NRXN1: variants seen among roughly 807,000 people sequenced by gnomAD.
NRXN1 encodes the protein neurexin-1.
A neutral mutation model predicts 150.9 loss-of-function variants in NRXN1; 39 were observed. That is an observed-to-expected ratio of 0.26 (90% CI 0.20 to 0.34). NRXN1 has a LOEUF of 0.34. NRXN1 is among the 10% of genes least tolerant of loss of function. The probability of loss-of-function intolerance (pLI) is 1.00; values close to 1 mark genes in which losing one functional copy is unlikely to be tolerated. For missense variants in NRXN1, 1,815 were observed against 1,949.9 expected, an observed-to-expected ratio of 0.93 and a Z score of 1.30; for synonymous variants, 924 against 757.0, an observed-to-expected ratio of 1.22 and a Z score of -3.62.
At chr2:50,832,968 A>G (rs1298084725) in intron 5 of NRXN1, among the ~76,000 whole-genome samples, 1 of 152,260 alleles carries the variant, frequency 6.6e-6, no homozygotes, top group Non-Finnish European at 1.5e-5. Context: ...TCAAATGTCA[A>G]CATTCAGAAA....
chr2:50,681,126 A>G (rs1690327071), intron 5 of NRXN1, among the ~76,000 whole-genome samples: 1 of 152,220 alleles, frequency 6.6e-6, no homozygotes, highest in Non-Finnish European at 1.5e-5. Flanking sequence ...TAGATACCCT[A>G]TTCACTTAAG....
chr2:50,179,727 C>T (rs946647462), intron 18 of NRXN1, among the ~76,000 whole-genome samples: 10 of 152,010 alleles, frequency 6.6e-5, no homozygotes, highest in Admixed American at 5.9e-4. Context: ...TTTTATACTA[C>T]ATAGTGTAAC....
intron 8 of NRXN1, among the ~76,000 whole-genome samples, chr2:50,610,853 C>T (rs1222092752): frequency 6.8e-6 from 1 of 147,740 alleles, no homozygotes; most frequent in Non-Finnish European, 1.5e-5. Flanking sequence ...AGTGTAATTG[C>T]ACGATTTCGG....
At chr2:50,583,302 A>G (rs1016333348) in intron 8 of NRXN1, among the ~76,000 whole-genome samples, 6 of 152,038 alleles carry the variant, frequency 3.9e-5, no homozygotes, top group Admixed American at 1.3e-4. Flanking sequence ...TCAGCCTCCC[A>G]AACTGCTGGA....
intron 18 of NRXN1, among the ~76,000 whole-genome samples, chr2:50,234,114 C>T (rs1017571425): frequency 1.3e-5 from 2 of 151,898 alleles, no homozygotes; most frequent in South Asian, 2.1e-4. Flanking sequence ...TTCCATGCAC[C>T]CAACATTTTG....
At chr2:50,336,567 A>AT (rs768126519) in intron 17 of NRXN1, among the ~76,000 whole-genome samples, 5 of 152,268 alleles carry the variant, frequency 3.3e-5, no homozygotes, top group Non-Finnish European at 5.9e-5. Flanking sequence ...TCAGGAGAGT[A>AT]TAATCATATA....
rs539068083 is a variant in NRXN1, at chr2:50,384,055, A to C, written c.3364+81387T>G. Among the ~76,000 whole-genome samples, 18 of 152,342 alleles carry C rather than the reference A, an allele frequency of 1.2e-4. No homozygotes were observed. The East Asian group carries it at 3.3e-3, about 28-fold the overall frequency. On this transcript the variant is annotated intron_variant, in intron 17 of 22. Transcript: ENST00000401669. ...CTTCTCTCCATCCAACTTTTACTAC[A>C]CATGAAGTGGTAGGTCAGCATTAAA...
At chr2:50,166,721 G>C (rs1335743392) in intron 18 of NRXN1, among the ~76,000 whole-genome samples, 1 of 152,110 alleles carries the variant, frequency 6.6e-6, no homozygotes, top group Non-Finnish European at 1.5e-5. Flanking sequence ...TTGATTGAAT[G>C]TTCATGAAGC....
chr2:50,125,325 G>A (rs925213446), intron 18 of NRXN1, among the ~76,000 whole-genome samples: 4 of 147,790 alleles, frequency 2.7e-5, no homozygotes, highest in East Asian at 1.9e-4. Flanking sequence ...AATCTTTGTC[G>A]TTGTTGCTGT....
intron 21 of NRXN1, among the ~76,000 whole-genome samples, chr2:49,997,449 C>T (rs894571841): frequency 2.0e-5 from 3 of 152,096 alleles, no homozygotes; most frequent in African/African-American, 4.8e-5. Context: ...AGGCAATCTA[C>T]TGGAGATGAA....
intron 17 of NRXN1, among the ~76,000 whole-genome samples, chr2:50,264,936 T>C (rs1399007836): frequency 1.3e-5 from 2 of 152,132 alleles, no homozygotes; most frequent in East Asian, 3.9e-4. Flanking sequence ...TCAGGGGTCC[T>C]AGATTTTTTC....
chr2:50,184,264 C>T (rs535132686), intron 18 of NRXN1, among the ~76,000 whole-genome samples: 1 of 152,058 alleles, frequency 6.6e-6, no homozygotes, highest in East Asian at 1.9e-4. Context: ...TCACACATTC[C>T]TTAAATAATT....
At chr2:50,365,707 T>C (rs763123221) in intron 17 of NRXN1, among the ~76,000 whole-genome samples, 21 of 152,062 alleles carry the variant, frequency 1.4e-4, no homozygotes, top group Non-Finnish European at 1.2e-4. Flanking sequence ...GCTACTATTT[T>C]AATTGCCTTT....
chr2:50,483,808 T>C (rs1011612141), intron 15 of NRXN1, among the ~76,000 whole-genome samples: 1 of 152,166 alleles, frequency 6.6e-6, no homozygotes, highest in African/African-American at 2.4e-5. Flanking sequence ...GAAATGACTG[T>C]TCTGGAAATT....
chr2:50,223,505 G>A (rs1490430019), intron 18 of NRXN1, among the ~76,000 whole-genome samples: 2 of 151,896 alleles, frequency 1.3e-5, no homozygotes, highest in African/African-American at 4.8e-5. Context: ...AAGATCAAAT[G>A]AACACAGTTC....
At chr2:50,022,551 T>C (rs915663415) in intron 21 of NRXN1, 1 of 152,238 alleles carries the variant, frequency 6.6e-6, no homozygotes, top group Non-Finnish European at 1.5e-5. Context: ...CAATTCAAAG[T>C]TCTTGTGAAA....
intron 18 of NRXN1, among the ~76,000 whole-genome samples, chr2:50,192,659 T>C (rs961098210): frequency 1.3e-5 from 2 of 151,910 alleles, no homozygotes; most frequent in Non-Finnish European, 2.9e-5. Flanking sequence ...CAGGCTAGAG[T>C]GTAGTGGTGC....
intron 21 of NRXN1, among the ~76,000 whole-genome samples, chr2:50,020,751 AAAG>A (rs1286462679): frequency 6.6e-6 from 1 of 152,228 alleles, no homozygotes; most frequent in African/African-American, 2.4e-5. Context: ...ACATAAATAA[AAAG>A]AAATTCTCTC....
chr2:50,465,842 T>C (rs1419216039), intron 16 of NRXN1, among the ~76,000 whole-genome samples: 1 of 151,900 alleles, frequency 6.6e-6, no homozygotes, highest in African/African-American at 2.4e-5. Flanking sequence ...TAGCAGGTAA[T>C]CTCATTCCAA....
Sources: allele counts gnomAD v4.1 joint callset (sites outside exome capture counted in the v4.1 genomes callset), GRCh38; gene constraint gnomAD v4.1.1; transcripts MANE v1.5; gene names NCBI Gene and HGNC (gene_info 2026-07-23, HGNC 2026-07-21).